The following CFAP43 variants were observed in gnomAD, a reference collection of about 807,000 sequenced individuals.
CFAP43 encodes cilia and flagella associated protein 43.
CFAP43 carries 155 observed loss-of-function variants against 218.9 expected under a neutral mutation model. That is an observed-to-expected ratio of 0.71 (90% confidence interval 0.62 to 0.81). The LOEUF (loss-of-function observed/expected upper bound fraction) is 0.81, where lower values mean the gene tolerates loss of function less well. Among genes scored for constraint, CFAP43 ranks in the 30% least tolerant of loss-of-function variants. The pLI, the probability that CFAP43 is intolerant of heterozygous loss-of-function variation, is 0.00. For missense variants in CFAP43, 1,778 were observed against 1,954.3 expected (o/e 0.91, Z 1.70); for synonymous variants, 645 against 681.3 (o/e 0.95, Z 0.83).
chr10:104,211,694 A>G (rs1446481872), intron 5 of CFAP43, among the ~76,000 whole-genome samples: 2 of 152,084 alleles, frequency 1.3e-5, no homozygotes, highest in East Asian at 3.9e-4. Flanking sequence ...CCCTAACACT[A>G]GGTCCACTTT....
chr10:104,160,932 T>C (rs2088835908), intron 27 of CFAP43, 105 bp downstream of exon 27: 2 of 1,100,720 alleles, frequency 1.8e-6, no homozygotes, highest in Non-Finnish European at 2.5e-6. Flanking sequence ...GCTGAAACAC[T>C]GTCCTTAAGC....
intron 3 of CFAP43, among the ~76,000 whole-genome samples, chr10:104,221,559 T>C (rs1283424629): frequency 6.6e-6 from 1 of 152,198 alleles, no homozygotes; most frequent in Admixed American, 6.5e-5. Context: ...TGCTGGCACC[T>C]TGATCTTGGA....
chr10:104,219,821 C>G (rs1242315383), intron 3 of CFAP43, among the ~76,000 whole-genome samples: 1 of 152,180 alleles, frequency 6.6e-6, no homozygotes, highest in African/African-American at 2.4e-5. Flanking sequence ...ACCTGCTGTG[C>G]TTTTTCTACT....
In CFAP43 at chr10:104,232,204, C is replaced by T. The variant is rs1178542620; in HGVS notation, c.43G>A (p.Gly15Ser). ...RERDEGPHSA[G>S]GASLSVRWVQ... is the part of the protein sequence containing the mutation. ...CACCTCACGGACAAGGACGCGCCGC[C>T]GGCGGAGTGGGGGCCTTCGTCGCGC... Residue 15 changes from glycine to serine, a missense_variant, in exon 1 of 38, where the codon GGC becomes AGC. This residue lies in a region of CFAP43 where 1,553 missense variants were observed against 1,685.2 expected (regional missense o/e 0.92). Transcript: ENST00000357060. 6.2e-7 allele frequency: 1 copy of T among 1,609,394 alleles called. No individual in the cohort carries two copies. The highest frequency in any genetic ancestry group is 1.7e-4 in the Middle Eastern group (1 of 6,000).
intron 17 of CFAP43, among the ~76,000 whole-genome samples, chr10:104,182,081 C>A (rs1475707897): frequency 6.6e-6 from 1 of 152,166 alleles, no homozygotes; most frequent in Non-Finnish European, 1.5e-5. Flanking sequence ...TATAGAGAGA[C>A]CATTTTGACC....
At position 104,158,623 on chromosome 10, in the gene CFAP43, G is replaced by T. The variant is rs572545610; in HGVS notation, c.3540+2414C>A. Among the ~76,000 whole-genome samples, 3 of 152,274 alleles carry T rather than the reference G, an allele frequency of 2.0e-5. No homozygotes were observed. In the South Asian group the frequency reaches 6.2e-4, roughly 32 times the overall value. ...ATTACAAACTAAGTGAAATTGATTA[G>T]ATTTTTTGATAAACACCAATAAAAA... On this transcript the variant is annotated intron_variant, in intron 27 of 37. Coordinates refer to ENST00000357060, the MANE Select transcript of CFAP43 (RefSeq NM_025145.7).
intron 2 of CFAP43, among the ~76,000 whole-genome samples, chr10:104,229,305 G>A (rs1478619999): frequency 6.6e-6 from 1 of 152,142 alleles, no homozygotes; most frequent in Non-Finnish European, 1.5e-5. Flanking sequence ...GGAATCATTA[G>A]CTGGTGGCTC....
At position 104,195,693 on chromosome 10, in the gene CFAP43, T is replaced by A. The variant is rs2090363061; in HGVS notation, c.1293+1160A>T. Among the ~76,000 whole-genome samples the A allele has an allele frequency of 2.6e-5, 4 of 152,156 alleles. No individual in the cohort carries two copies. In the South Asian group the frequency reaches 8.3e-4, roughly 32 times the overall value. On this transcript the variant is annotated intron_variant, in intron 10 of 37. Transcript: ENST00000357060. ...GTAATGCAGCAAATAATATTATTTT[T>A]AAAAAAAGAAAGCATTACCGTTGTT...
At chr10:104,220,262 C>T (rs1424454623) in intron 3 of CFAP43, among the ~76,000 whole-genome samples, 1 of 152,144 alleles carries the variant, frequency 6.6e-6, no homozygotes, top group Non-Finnish European at 1.5e-5. Flanking sequence ...CCTGCTGAGA[C>T]CTTGATCTCA....
chr10:104,154,594 G>T (rs1051723027), intron 27 of CFAP43, among the ~76,000 whole-genome samples: 1 of 152,192 alleles, frequency 6.6e-6, no homozygotes. Context: ...GAAAACATCA[G>T]CATATGGCAA....
intron 24 of CFAP43, among the ~76,000 whole-genome samples, chr10:104,162,856 C>T (rs2088952228): frequency 6.6e-6 from 1 of 151,918 alleles, no homozygotes; most frequent in South Asian, 2.1e-4. Flanking sequence ...TGGGCTTTAT[C>T]CCAAGTGAAG....
intron 26 of CFAP43, among the ~76,000 whole-genome samples, chr10:104,161,504 T>A (rs2088870458): frequency 6.6e-6 from 1 of 152,234 alleles, no homozygotes; most frequent in South Asian, 2.1e-4. Context: ...TAATTACTGA[T>A]GAAACAGTAT....
intron 14 of CFAP43, among the ~76,000 whole-genome samples, 171 bp from the exon 15 acceptor site, chr10:104,186,294 C>T (rs552316337): frequency 3.3e-5 from 5 of 152,256 alleles, no homozygotes; most frequent in African/African-American, 4.8e-5. Flanking sequence ...TGGACACCTG[C>T]GTTTGCATCA....
Position 104,230,839 on chromosome 10 carries a change from C to G in CFAP43, c.70G>C (p.Val24Leu), listed in dbSNP as rs368803916. The G allele has an allele frequency of 1.2e-6, 2 of 1,603,616 alleles. No individual in the cohort carries two copies. The highest frequency in any genetic ancestry group is 1.7e-6 in the Non-Finnish European group (2 of 1,176,438). Residue 24 changes from valine to leucine, a missense_variant, in exon 2 of 38, where the codon GTG (valine) becomes CTG (leucine). Val to Leu is a conservative substitution (Grantham distance 32). Transcript: ENST00000357060. ...AGGASLSVRW[V>L]QGFPKQNVHF... ...ACATTCTGCTTAGGGAATCCTTGCA[C>G]CCATCTTTGGGAAAAGATATGTCAA...
At chr10:104,164,398 A>AT (rs2089041456) in intron 23 of CFAP43, 98 bp from the exon 24 acceptor site, 41 of 1,053,230 alleles carry the variant, frequency 3.9e-5, no homozygotes, top group South Asian at 5.1e-5. Flanking sequence ...TCATTCCACA[A>AT]ATTTTTTTTT....
chr10:104,218,383 T>G, intron 3 of CFAP43, among the ~76,000 whole-genome samples: 1 of 150,258 alleles, frequency 6.7e-6, no homozygotes, highest in African/African-American at 2.4e-5. Flanking sequence ...AAAGAAATGC[T>G]TGTGTTTCCA....
chr10:104,150,027 A>G (rs2088172712), intron 28 of CFAP43, among the ~76,000 whole-genome samples: 2 of 152,178 alleles, frequency 1.3e-5, no homozygotes, highest in Non-Finnish European at 2.9e-5. Flanking sequence ...GATTCCACAA[A>G]AATGGAATCA....
At chr10:104,152,032 T>C (rs1281381539) in intron 28 of CFAP43, among the ~76,000 whole-genome samples, 4 of 152,212 alleles carry the variant, frequency 2.6e-5, no homozygotes, top group African/African-American at 9.6e-5. Context: ...TTTTTATTCC[T>C]ACTGCTGAAG....
chr10:104,202,914 T>C lies in CFAP43; in HGVS notation c.1095+758A>G, dbSNP rs149387812. On this transcript the variant is annotated intron_variant, in intron 8 of 37. Transcript: ENST00000357060. ...TTCTTTCAGGCAGAAAGTCATTGAA[T>C]TTTGTTTGCAATTCATCTAAAATGA... Among the ~76,000 whole-genome samples the C allele has an allele frequency of 4.8e-3, 729 of 152,294 alleles. 8 individuals carry two copies. Among genetic ancestry groups the C allele is most frequent in the African/African-American group, 0.017 (700 of 41,574 alleles).
Sources: gnomAD v4.1 joint callset for allele counts (sites outside exome capture counted in the v4.1 genomes callset) on GRCh38, gnomAD v4.1.1 for gene constraint, gnomAD v4.1.1 regional missense constraint, MANE v1.5 for transcripts, NCBI Gene and HGNC (gene_info 2026-07-23, HGNC 2026-07-21) for gene names.